MTMR3: variants seen among roughly 807,000 people sequenced by gnomAD.
MTMR3 encodes myotubularin related protein 3.
A neutral mutation model predicts 132.4 loss-of-function variants in MTMR3; 32 were observed. That is an observed-to-expected ratio of 0.24 (90% CI 0.18 to 0.32). The LOEUF (loss-of-function observed/expected upper bound fraction) is 0.32. Among genes scored for constraint, MTMR3 ranks in the 10% least tolerant of loss-of-function variants. The pLI is 1.00. For synonymous variants in MTMR3, 556 were observed against 550.3 expected, an observed-to-expected ratio of 1.01 and a Z score of -0.14; for missense variants, 1,216 against 1,489.6, an observed-to-expected ratio of 0.82 and a Z score of 3.02.
chr22:29,919,667 C>A (rs941930970), intron 1 of MTMR3, among the ~76,000 whole-genome samples: 10 of 151,726 alleles, frequency 6.6e-5, no homozygotes, highest in African/African-American at 2.4e-4. Context: ...AGACTACAGG[C>A]ATGTGCCACC....
chr22:29,978,391 T>C (rs1602611688), intron 3 of MTMR3, 51 bp from the exon 4 acceptor site: 2 of 1,474,746 alleles, frequency 1.4e-6, no homozygotes, highest in Non-Finnish European at 1.9e-6. Flanking sequence ...AAAAACCAAA[T>C]ATGAATGATT....
chr22:29,906,340 C>T (rs181876383), intron 1 of MTMR3, among the ~76,000 whole-genome samples: 2,066 of 150,404 alleles, frequency 0.014, 36 homozygotes, highest in African/African-American at 0.048. Context: ...ATCTGTCTAT[C>T]TATCTATCTA....
In MTMR3 at chr22:30,026,012, G is replaced by T; in HGVS notation, c.*211G>T. 3 of 454,210 alleles carry T rather than the reference G, an allele frequency of 6.6e-6. No individual in the cohort carries two copies. The highest frequency in any genetic ancestry group is 7.5e-5 in the Admixed American group (2 of 26,818). 28.1% of individuals were successfully genotyped at this position (454,210 alleles called of 1,614,324 possible). Reference sequence around the variant, plus strand: ...CCTACCTTTTCCATCCTCCTCCTCTGCCTTCAAAAAAGGAAACTTTCCCTT... The same window carrying T: ...CCTACCTTTTCCATCCTCCTCCTCTTCCTTCAAAAAAGGAAACTTTCCCTT... On this transcript the variant is annotated 3_prime_UTR_variant, in exon 20 of 20. Coordinates refer to ENST00000401950, the MANE Select transcript of MTMR3 (RefSeq NM_021090.4).
intron 1 of MTMR3, among the ~76,000 whole-genome samples, chr22:29,920,991 G>A (rs915060471): frequency 3.3e-5 from 5 of 150,846 alleles, no homozygotes; most frequent in Admixed American, 2.6e-4. Flanking sequence ...TGGGGGTGGC[G>A]GGGGTGGTCC....
Position 30,030,822 on chromosome 22 carries a change from G to A in MTMR3, c.*5021G>A, listed in dbSNP as rs776062123. ...ATTTAAAAGTAAGATCTGGTATGAA[G>A]AAAGGTTTTGTTTGTTTCTTAAAAT... On this transcript the variant is annotated 3_prime_UTR_variant, in exon 20 of 20. Transcript: ENST00000401950. 2.0e-5 allele frequency: 3 copies of A among 152,302 alleles called. No homozygotes were observed. Among genetic ancestry groups the A allele is most frequent in the East Asian group, 3.7e-4 (2 of 5,336 alleles). 9.4% of individuals were successfully genotyped at this position (152,302 alleles called of 1,614,324 possible).
intron 2 of MTMR3, 22 bp from the exon 3 acceptor site, chr22:29,970,954 C>G: frequency 1.5e-6 from 1 of 681,978 alleles, no homozygotes; most frequent in Non-Finnish European, 2.2e-6. Flanking sequence ...TTCTTCTTCC[C>G]CCTCTTCCCC....
At chr22:29,955,568 A>C (rs1267751609) in intron 1 of MTMR3, among the ~76,000 whole-genome samples, 1 of 152,184 alleles carries the variant, frequency 6.6e-6, no homozygotes, top group African/African-American at 2.4e-5. Context: ...TGAAGTTGCA[A>C]ATTATGAGTA....
At chr22:29,995,100 C>G (rs2067035674) in intron 7 of MTMR3, 2 of 152,266 alleles carry the variant, frequency 1.3e-5, no homozygotes, top group South Asian at 4.1e-4. Context: ...AGGCCTACCT[C>G]TCTAACCTCT....
rs200214409 is a variant in MTMR3, at chr22:30,017,951, C to T, written c.1699C>T (p.Arg567Cys). ...GGTGCTGTACCCTGTGTGCCATGTG[C>T]GTAACCTGATGCTGTGGAGTGCAGT... Reference protein sequence around the residue: ...EAVLYPVCHVRNLMLWSAVYL... With the variant: ...EAVLYPVCHVCNLMLWSAVYL... The change falls in exon 16 of 20, where the codon CGT (arginine) becomes TGT (cysteine). Residue 567 changes from arginine to cysteine, a missense_variant. Arg to Cys is a radical substitution (Grantham distance 180, BLOSUM62 -3). Transcript: ENST00000401950. The T allele has an allele frequency of 1.9e-5, 30 of 1,613,612 alleles. No individual in the cohort carries two copies. Among genetic ancestry groups the T allele is most frequent in the Non-Finnish European group, 2.3e-5 (27 of 1,179,872 alleles).
intron 17 of MTMR3, 65 bp downstream of exon 17, chr22:30,020,949 T>C (rs2067730538): frequency 1.4e-6 from 2 of 1,451,038 alleles, no homozygotes; most frequent in African/African-American, 2.8e-5. Flanking sequence ...CTGGGTGCCC[T>C]TTGTGCCCAG....
chr22:29,887,811 T>C (rs987751325), intron 1 of MTMR3, among the ~76,000 whole-genome samples: 6 of 152,222 alleles, frequency 3.9e-5, no homozygotes, highest in African/African-American at 1.2e-4. Context: ...ATGAAATCAA[T>C]GTACTTATTT....
rs1295953829 is a variant in MTMR3, at chr22:30,030,071, C to G, written c.*4270C>G. The G allele has an allele frequency of 6.6e-6, 1 of 152,268 alleles. No homozygotes were observed. Among genetic ancestry groups the G allele is most frequent in the Admixed American group, 6.5e-5 (1 of 15,280 alleles). 9.4% of individuals were successfully genotyped at this position (152,268 alleles called of 1,614,324 possible). ...TTGTGTGCAGATACCAGTAGCCTCCCTGCTTGAACAGGCCTCTCCTAGGCT... is the reference window on the plus strand; with the variant it reads ...TTGTGTGCAGATACCAGTAGCCTCCGTGCTTGAACAGGCCTCTCCTAGGCT... On this transcript the variant is annotated 3_prime_UTR_variant, in exon 20 of 20. Coordinates refer to ENST00000401950, the MANE Select transcript of MTMR3 (RefSeq NM_021090.4).
intron 8 of MTMR3, chr22:30,002,316 T>A (rs906167936): frequency 6.6e-6 from 1 of 152,468 alleles, no homozygotes; most frequent in African/African-American, 2.4e-5. Context: ...TGGTTTTGCA[T>A]ACCCATGGCT....
chr22:29,892,014 G>C (rs1001345267), intron 1 of MTMR3, among the ~76,000 whole-genome samples: 1 of 152,080 alleles, frequency 6.6e-6, no homozygotes, highest in South Asian at 2.1e-4. Flanking sequence ...TTAGCCCAGC[G>C]TGGTGGCACG....
intron 1 of MTMR3, among the ~76,000 whole-genome samples, chr22:29,921,852 T>G (rs1043757079): frequency 6.6e-6 from 1 of 151,682 alleles, no homozygotes; most frequent in African/African-American, 2.4e-5. Context: ...TTTTTTTTTT[T>G]TCTTTTTTTT....
Position 30,019,982 on chromosome 22 carries a change from C to T in MTMR3, c.2323C>T (p.Leu775Phe), listed in dbSNP as rs765221949. The T allele has an allele frequency of 6.2e-7, 1 of 1,614,142 alleles. No homozygotes were observed. The highest frequency in any genetic ancestry group is 1.7e-5 in the Admixed American group (1 of 60,032). The change falls in exon 17 of 20, where the codon CTC becomes TTC. Residue 775 changes from leucine to phenylalanine, a missense_variant. Coordinates refer to ENST00000401950, the MANE Select transcript of MTMR3 (RefSeq NM_021090.4). ...ISEQQSGLSV[L>F]LSSLQVPPRG... ...TGAACAGCAGAGTGGGCTCAGTGTT[C>T]TCCTCAGTTCTCTCCAGGTCCCCCC...
At chr22:29,929,480 T>G (rs984283078) in intron 1 of MTMR3, among the ~76,000 whole-genome samples, 11 of 152,090 alleles carry the variant, frequency 7.2e-5, no homozygotes, top group African/African-American at 1.2e-4. Context: ...AATTTTTTTT[T>G]GGTCTGTTTT....
intron 1 of MTMR3, among the ~76,000 whole-genome samples, chr22:29,950,210 G>A (rs1284728324): frequency 6.6e-6 from 1 of 152,138 alleles, no homozygotes; most frequent in Non-Finnish European, 1.5e-5. Flanking sequence ...ATGATTCTGC[G>A]TGGCTTTAAA....
intron 1 of MTMR3, among the ~76,000 whole-genome samples, chr22:29,917,112 A>C (rs1258920934): frequency 6.6e-6 from 1 of 152,220 alleles, no homozygotes; most frequent in Non-Finnish European, 1.5e-5. Flanking sequence ...TGCTTTTGAA[A>C]ACCTGCTTTA....
Sources: allele counts gnomAD v4.1 joint callset (sites outside exome capture counted in the v4.1 genomes callset), GRCh38; gene constraint gnomAD v4.1.1; transcripts MANE v1.5; gene names NCBI Gene and HGNC (gene_info 2026-07-23, HGNC 2026-07-21).